Variants in CLASP1 observed in about 807,000 individuals in gnomAD.
CLASP1 encodes the protein CLIP-associating protein 1.
CLASP1 carries 38 observed loss-of-function variants against 192.3 expected under a neutral mutation model. The observed-to-expected ratio is 0.20, with a 90% CI of 0.15 to 0.26. CLASP1 has a LOEUF of 0.26. Ranked by LOEUF, CLASP1 falls within the 10% of genes least tolerant of loss-of-function variation. The probability of loss-of-function intolerance (pLI) is 1.00; values close to 1 mark genes in which losing one functional copy is unlikely to be tolerated. For synonymous variants in CLASP1, 691 were observed against 712.8 expected (o/e 0.97, Z 0.49); for missense variants, 1,433 against 1,932.5 (o/e 0.74, Z 4.85).
intron 9 of CLASP1, 98 bp downstream of exon 9, chr2:121,469,710 G>A (rs1056578749): frequency 3.3e-6 from 4 of 1,194,954 alleles, no homozygotes; most frequent in African/African-American, 1.5e-5. Context: ...TATGGGGACT[G>A]TATCACTTCT....
intron 2 of CLASP1, among the ~76,000 whole-genome samples, chr2:121,560,612 A>G (rs545533126): frequency 6.6e-6 from 1 of 152,358 alleles, no homozygotes; most frequent in South Asian, 2.1e-4. Context: ...CCTCTGCTCC[A>G]CGGTTATTTC....
exon 22 of CLASP1, chr2:121,425,157 G>T: frequency 6.2e-7 from 1 of 1,611,618 alleles, no homozygotes; most frequent in Non-Finnish European, 8.5e-7. Flanking sequence ...ATTCGGTTTG[G>T]ACTTGTTTCC....
intron 8 of CLASP1, among the ~76,000 whole-genome samples, chr2:121,499,404 C>A (rs987689103): frequency 3.3e-5 from 5 of 151,498 alleles, no homozygotes; most frequent in Non-Finnish European, 5.9e-5. Context: ...ACGCCAGAAA[C>A]TGGGGGGAGA....
intron 2 of CLASP1, chr2:121,531,028 ACTTAT>A (rs1260351407): frequency 1.4e-6 from 1 of 700,152 alleles, no homozygotes; most frequent in African/African-American, 1.7e-5. Flanking sequence ...GTTTTCATAG[ACTTAT>A]CAGTTCAAAC....
chr2:121,592,990 T>C (rs2062601348), intron 2 of CLASP1, among the ~76,000 whole-genome samples: 1 of 152,188 alleles, frequency 6.6e-6, no homozygotes, highest in South Asian at 2.1e-4. Flanking sequence ...TCTGAAGCTA[T>C]AGGTGAAAGT....
chr2:121,473,255 AG>A (rs2091074331), intron 8 of CLASP1, among the ~76,000 whole-genome samples: 1 of 152,226 alleles, frequency 6.6e-6, no homozygotes, highest in African/African-American at 2.4e-5. Flanking sequence ...GAAAAAAGAA[AG>A]TTTTTTTAAA....
chr2:121,475,622 G>C (rs72969336), intron 8 of CLASP1, among the ~76,000 whole-genome samples: 5 of 152,168 alleles, frequency 3.3e-5, no homozygotes, highest in Non-Finnish European at 5.9e-5. Context: ...CTAAGCATAC[G>C]TCTGGTAGTA....
intron 19 of CLASP1, among the ~76,000 whole-genome samples, chr2:121,437,243 G>A (rs1318727478): frequency 6.6e-6 from 1 of 151,950 alleles, no homozygotes; most frequent in African/African-American, 2.4e-5. Context: ...GATTACAGGT[G>A]TGAGCCACTG....
chr2:121,374,673 T>C (rs553924227), intron 34 of CLASP1, among the ~76,000 whole-genome samples: 1 of 152,354 alleles, frequency 6.6e-6, no homozygotes, highest in East Asian at 1.9e-4. Context: ...GTGCCCTGGA[T>C]GTGAGACATG....
intron 4 of CLASP1, 26 bp downstream of exon 4, chr2:121,528,651 C>T: frequency 6.2e-7 from 1 of 1,603,236 alleles, no homozygotes. Context: ...GGCCAGCTGA[C>T]CTCAAAACAC....
At chr2:121,587,976 C>T (rs2061918944) in intron 2 of CLASP1, among the ~76,000 whole-genome samples, 1 of 151,826 alleles carries the variant, frequency 6.6e-6, no homozygotes, top group Non-Finnish European at 1.5e-5. Context: ...AGGTTCAAGA[C>T]TAGCCTGGTC....
intron 35 of CLASP1, among the ~76,000 whole-genome samples, chr2:121,366,148 C>T (rs1301368189): frequency 6.6e-6 from 1 of 152,180 alleles, no homozygotes; most frequent in Non-Finnish European, 1.5e-5. Context: ...TCTTTTCCTC[C>T]TTTTCTTTAA....
intron 1 of CLASP1, among the ~76,000 whole-genome samples, chr2:121,644,348 T>TAA (rs747184836): frequency 7.3e-4 from 98 of 134,344 alleles, no homozygotes; most frequent in Non-Finnish European, 1.1e-3. Flanking sequence ...TAAAGGACAT[T>TAA]AAAAAAAAAA....
At chr2:121,557,940 G>A (rs943767217) in intron 2 of CLASP1, among the ~76,000 whole-genome samples, 1 of 151,548 alleles carries the variant, frequency 6.6e-6, no homozygotes, top group African/African-American at 2.4e-5. Flanking sequence ...AATTAGCCGG[G>A]CATGGTGGTG....
chr2:121,640,037 G>C (rs1056306240), intron 1 of CLASP1, among the ~76,000 whole-genome samples: 2 of 152,102 alleles, frequency 1.3e-5, no homozygotes, highest in African/African-American at 4.8e-5. Context: ...ATACTATGCA[G>C]CCATAAAAAA....
intron 34 of CLASP1, among the ~76,000 whole-genome samples, chr2:121,374,219 C>A (rs1410958076): frequency 6.6e-6 from 1 of 152,228 alleles, no homozygotes; most frequent in Non-Finnish European, 1.5e-5. Context: ...ACAGCTTGGG[C>A]CATTGTTTCA....
At chr2:121,609,412 G>A (rs898532711) in intron 1 of CLASP1, among the ~76,000 whole-genome samples, 1 of 152,112 alleles carries the variant, frequency 6.6e-6, no homozygotes, top group Admixed American at 6.5e-5. Context: ...AAGCCCCTAG[G>A]CTTTAAGCAG....
chr2:121,381,335 C>T (rs2071603344), intron 33 of CLASP1, among the ~76,000 whole-genome samples: 1 of 151,832 alleles, frequency 6.6e-6, no homozygotes, highest in African/African-American at 2.4e-5. Flanking sequence ...TCCTATCACA[C>T]CCTCTATTAT....
chr2:121,572,733 C>G (rs2060095542), intron 2 of CLASP1, among the ~76,000 whole-genome samples: 1 of 150,218 alleles, frequency 6.7e-6, no homozygotes, highest in Non-Finnish European at 1.5e-5. Context: ...ACGTTTCTAC[C>G]AAAAATATAT....
Sources: gnomAD v4.1 joint callset for allele counts (sites outside exome capture counted in the v4.1 genomes callset) on GRCh38, gnomAD v4.1.1 for gene constraint, MANE v1.5 for transcripts, NCBI Gene and HGNC (gene_info 2026-07-23, HGNC 2026-07-21) for gene names.